ZFAT: variants seen among roughly 807,000 people sequenced by gnomAD.
ZFAT encodes the protein zinc finger protein ZFAT.
Under a neutral mutation model 117.7 loss-of-function variants are expected in ZFAT, and 64 were observed. That is an observed-to-expected ratio of 0.54 (90% CI 0.44 to 0.67). ZFAT has a LOEUF of 0.67. ZFAT is among the 30% of genes least tolerant of loss of function. The probability of loss-of-function intolerance (pLI) is 0.00; values close to 1 mark genes in which losing one functional copy is unlikely to be tolerated. For synonymous variants in ZFAT, 679 were observed against 615.0 expected (o/e 1.10, Z -1.54); for missense variants, 1,433 against 1,584.5 (o/e 0.90, Z 1.62).
chr8:134,696,587 C>G, intron 1 of ZFAT: 2 of 986,368 alleles, frequency 2.0e-6, no homozygotes, highest in South Asian at 4.7e-5. Flanking sequence ...CTAGTTATCC[C>G]TGGCTGGCAC....
Position 134,632,103 on chromosome 8 carries a change from T to C in ZFAT, c.448+5358A>G, listed in dbSNP as rs191542541. On this transcript the variant is annotated intron_variant, in intron 3 of 15. Transcript: ENST00000377838. ...GGTTTGAACTGCAAGGGGAAACTTA[T>C]ACTGAAATTTCTTCCATCTCTCTGA... 5.3e-5 allele frequency among the ~76,000 whole-genome samples: 8 copies of C among 152,290 alleles called. No individual in the cohort carries two copies. In the East Asian group the frequency reaches 1.4e-3, roughly 26 times the overall value.
chr8:134,508,433 T>C (rs1190855208), intron 15 of ZFAT, among the ~76,000 whole-genome samples: 1 of 152,234 alleles, frequency 6.6e-6, no homozygotes, highest in Non-Finnish European at 1.5e-5. Context: ...GTTAACTGTT[T>C]AACGTCTCCT....
intron 7 of ZFAT, among the ~76,000 whole-genome samples, chr8:134,593,279 T>C (rs1180213078): frequency 2.0e-5 from 3 of 152,014 alleles, no homozygotes; most frequent in African/African-American, 4.8e-5. Context: ...ATCTCAGAGC[T>C]TATCAGGGGC....
the ZFAT span, among the ~76,000 whole-genome samples, chr8:134,791,134 G>A: frequency 6.6e-6 from 1 of 152,032 alleles, no homozygotes; most frequent in Non-Finnish European, 1.5e-5. Flanking sequence ...AACTTAATGT[G>A]CCTCACATTT....
At chr8:134,618,450 A>C (rs28583138) in intron 3 of ZFAT, among the ~76,000 whole-genome samples, 9,829 of 152,066 alleles carry the variant, frequency 0.065, 1,085 homozygotes, top group African/African-American at 0.22. Flanking sequence ...TTTTTATTTG[A>C]AAAAGAGTGG....
chr8:134,744,069 A>G, the ZFAT span, among the ~76,000 whole-genome samples: 2 of 152,130 alleles, frequency 1.3e-5, no homozygotes, highest in South Asian at 2.1e-4. Flanking sequence ...CACACTTTCC[A>G]TGGGTCAGAA....
At chr8:134,761,722 A>T in the ZFAT span, among the ~76,000 whole-genome samples, 5 of 152,136 alleles carry the variant, frequency 3.3e-5, no homozygotes, top group African/African-American at 7.2e-5. Flanking sequence ...AAAATAAAAT[A>T]AATTAATTAA....
intron 3 of ZFAT, among the ~76,000 whole-genome samples, chr8:134,623,425 G>C (rs1829273580): frequency 6.6e-6 from 1 of 152,166 alleles, no homozygotes; most frequent in South Asian, 2.1e-4. Context: ...ACGTGGGGCG[G>C]CATGCCCTCT....
the ZFAT span, among the ~76,000 whole-genome samples, chr8:134,773,803 C>T: frequency 1.3e-5 from 2 of 152,052 alleles, no homozygotes; most frequent in African/African-American, 2.4e-5. Flanking sequence ...TGAATTGCTG[C>T]AATGTCATGA....
chr8:134,649,160 A>ATC lies in ZFAT; in HGVS notation c.196+8399_196+8400dup, dbSNP rs58676544. Among the ~76,000 whole-genome samples, 636 of 100,458 alleles carry ATC rather than the reference A, an allele frequency of 6.3e-3. 3 individuals carry two copies. The highest frequency in any genetic ancestry group is 0.028 in the African/African-American group (545 of 19,664). The allele number at this position is 100,458 out of a possible 152,430, so 65.9% of individuals were successfully genotyped here. A position where few individuals can be genotyped will look rare whatever the true frequency, so the allele number is the denominator to read the frequency against. ...TTCCTTAACCTAATGAAGAACATCTATCTCTCACACACACACACACACACA... is the reference window on the plus strand; with the variant it reads ...TTCCTTAACCTAATGAAGAACATCTATCTCTCTCACACACACACACACACACA... On this transcript the variant is annotated intron_variant, in intron 2 of 15. Coordinates refer to ENST00000377838, the MANE Select transcript of ZFAT (RefSeq NM_020863.4).
the ZFAT span, among the ~76,000 whole-genome samples, chr8:134,829,939 ATTATT>A: frequency 6.6e-6 from 1 of 152,236 alleles, no homozygotes; most frequent in Non-Finnish European, 1.5e-5. Context: ...AAGTCAAAGA[ATTATT>A]TTATTTTTGG....
At chr8:134,488,301 G>A (rs951102079) in intron 15 of ZFAT, among the ~76,000 whole-genome samples, 8 of 152,238 alleles carry the variant, frequency 5.3e-5, no homozygotes, top group African/African-American at 1.9e-4. Context: ...GAAAGCAGAA[G>A]ATGGATAGAA....
intron 3 of ZFAT, among the ~76,000 whole-genome samples, chr8:134,631,474 G>A (rs1203324724): frequency 1.3e-5 from 2 of 152,204 alleles, no homozygotes; most frequent in Non-Finnish European, 2.9e-5. Context: ...CATGTGACCT[G>A]ATCATCATCG....
At chr8:134,737,053 G>T in the ZFAT span, among the ~76,000 whole-genome samples, 1 of 152,180 alleles carries the variant, frequency 6.6e-6, no homozygotes. Flanking sequence ...GGCCAAGGCG[G>T]GCAGATCACC....
At chr8:134,544,507 A>G (rs1822546128) in intron 11 of ZFAT, among the ~76,000 whole-genome samples, 2 of 152,186 alleles carry the variant, frequency 1.3e-5, no homozygotes, top group African/African-American at 4.8e-5. Flanking sequence ...AAGTGAAGAA[A>G]AGCCAAATAA....
intron 15 of ZFAT, among the ~76,000 whole-genome samples, chr8:134,502,805 C>T (rs765077811): frequency 4.4e-4 from 67 of 152,236 alleles, no homozygotes; most frequent in Non-Finnish European, 7.2e-4. Flanking sequence ...CTGTGCTGTG[C>T]CCGGCTAAGG....
intron 1 of ZFAT, among the ~76,000 whole-genome samples, chr8:134,707,782 T>G (rs1275918906): frequency 6.6e-6 from 1 of 152,218 alleles, no homozygotes; most frequent in Non-Finnish European, 1.5e-5. Context: ...TCAGACTGTG[T>G]TGAACACAAA....
At chr8:134,625,672 A>AG (rs1191210465) in intron 3 of ZFAT, among the ~76,000 whole-genome samples, 1 of 152,214 alleles carries the variant, frequency 6.6e-6, no homozygotes, top group Non-Finnish European at 1.5e-5. Context: ...AGGAAGTGGG[A>AG]GAAAAAAAGA....
intron 15 of ZFAT, among the ~76,000 whole-genome samples, chr8:134,491,752 C>A (rs1317053554): frequency 2.0e-5 from 3 of 152,158 alleles, no homozygotes; most frequent in Non-Finnish European, 4.4e-5. Context: ...CACACTGAGC[C>A]CATGTGCATA....
Sources: allele counts gnomAD v4.1 joint callset (sites outside exome capture counted in the v4.1 genomes callset), GRCh38; gene constraint gnomAD v4.1.1; transcripts MANE v1.5; gene names NCBI Gene and HGNC (gene_info 2026-07-23, HGNC 2026-07-21).